Variants in EIF4G1 observed in about 807,000 individuals in gnomAD.
The protein encoded by EIF4G1 is eukaryotic translation initiation factor 4 gamma 1, also known as EIF4-gamma.
In EIF4G1, 4 loss-of-function variants were observed where a neutral mutation model predicts 187.8. That is an observed-to-expected ratio of 0.02 (90% CI 0.01 to 0.05). The LOEUF (loss-of-function observed/expected upper bound fraction) is 0.05. Ranked by LOEUF, EIF4G1 falls within the 10% of genes least tolerant of loss-of-function variation. The pLI is 1.00. For synonymous variants in EIF4G1, 844 were observed against 781.4 expected (o/e 1.08, Z -1.34); for missense variants, 1,647 against 2,081.1 (o/e 0.79, Z 4.06).
chr3:184,324,864 C>G lies in EIF4G1; in HGVS notation c.2620-14C>G, dbSNP rs1487638410. ...GTTATCTTTTTGACACAATCCCTGT[C>G]CTGTGAATGGCAGGCAGAGGAACGA... On this transcript the variant is annotated splice_polypyrimidine_tract_variant and intron_variant, in intron 17 of 32. Transcript: ENST00000346169. The G allele has an allele frequency of 5.6e-6, 9 of 1,612,432 alleles. No individual in the cohort carries two copies. Among genetic ancestry groups the G allele is most frequent in the Non-Finnish European group, 7.6e-6 (9 of 1,179,698 alleles).
At chr3:184,329,083 G>A in intron 28 of EIF4G1, 93 bp downstream of exon 28, 2 of 1,439,836 alleles carry the variant, frequency 1.4e-6, no homozygotes, top group Non-Finnish European at 1.9e-6. Flanking sequence ...TTGGTGGAGT[G>A]GAGTGATGGT....
Position 184,324,856 on chromosome 3 carries a change from A to G in EIF4G1, c.2620-22A>G, listed in dbSNP as rs138301327. The G allele has an allele frequency of 1.6e-4, 255 of 1,611,190 alleles. 1 individual carries two copies. The East Asian group carries it at 3.0e-3, about 19-fold the overall frequency. ...AGTGGCTGGTTATCTTTTTGACACA[A>G]TCCCTGTCCTGTGAATGGCAGGCAG... On this transcript the variant is annotated intron_variant, in intron 17 of 32. Transcript: ENST00000346169.
rs900116812 is a variant in EIF4G1, at chr3:184,319,943, C to G, written c.537+142C>G. ...CAGAGAATGGTGTCTGTGGAGGGCT[C>G]AGGTTCTTTGTAAGATGCTAAGATT... On this transcript the variant is annotated intron_variant, in intron 7 of 32. Coordinates refer to ENST00000346169, the MANE Select transcript of EIF4G1 (RefSeq NM_198241.3). The G allele has an allele frequency of 5.7e-6, 4 of 705,534 alleles. No individual in the cohort carries two copies. In the African/African-American group the frequency reaches 7.1e-5, roughly 12 times the overall value. 43.7% of individuals were successfully genotyped at this position (705,534 alleles called of 1,614,324 possible).
intron 28 of EIF4G1, among the ~76,000 whole-genome samples, chr3:184,329,713 G>A (rs1725660273): frequency 6.6e-6 from 1 of 152,230 alleles, no homozygotes; most frequent in Non-Finnish European, 1.5e-5. Context: ...AGTATCTTAA[G>A]TACTGTGGGG....
In EIF4G1 at chr3:184,321,978, AAGGAGAAGC is replaced by A. The variant is rs111659103; in HGVS notation, c.1413_1421del (p.Gly472_Ala474del). 36,053 of 1,614,102 alleles carry A rather than the reference AAGGAGAAGC, an allele frequency of 0.022. 479 individuals carry two copies. Among genetic ancestry groups the A allele is most frequent in the Non-Finnish European group, 0.026 (31,240 of 1,179,992 alleles). ...ATGGAAGAAGAAGAAGAAGAGGAAGAAGGAGAAGCAGGAGAAGCAGGAGAAGCTGAGAGT... is the reference window on the plus strand; with the variant it reads ...ATGGAAGAAGAAGAAGAAGAGGAAGAAGGAGAAGCAGGAGAAGCTGAGAGT... On this transcript the variant is annotated inframe_deletion, in exon 10 of 33. Transcript: ENST00000346169.
In EIF4G1 at chr3:184,326,885, A is replaced by G; in HGVS notation, c.3330A>G (p.Ser1110=). 1 of 1,614,248 alleles carries G rather than the reference A, an allele frequency of 6.2e-7. No homozygotes were observed. The highest frequency in any genetic ancestry group is 1.1e-5 in the South Asian group (1 of 91,086). The change falls in exon 23 of 33, where the codon TCA becomes TCG. Residue 1110 remains serine (S), a synonymous_variant. Transcript: ENST00000346169. ...GSGAKPSDAA[S]EAARPATSTL... ...ACGGATTTTCTGCATCCCCAGCATC[A>G]GAAGCTGCTCGCCCAGCTACTAGTA...
intron 28 of EIF4G1, among the ~76,000 whole-genome samples, chr3:184,330,001 T>C (rs1448523331): frequency 6.6e-6 from 1 of 152,218 alleles, no homozygotes; most frequent in Non-Finnish European, 1.5e-5. Flanking sequence ...GGACAAGTTG[T>C]TTTTTAACAA....
intron 7 of EIF4G1, 41 bp from the exon 8 acceptor site, chr3:184,320,589 T>C: frequency 3.7e-6 from 6 of 1,613,844 alleles, no homozygotes; most frequent in Non-Finnish European, 5.1e-6. Flanking sequence ...AGAGGTGGGC[T>C]CTTCCTGCTT....
chr3:184,320,881 T>G, intron 8 of EIF4G1, 46 bp from the exon 9 acceptor site: 1 of 1,612,972 alleles, frequency 6.2e-7, no homozygotes, highest in East Asian at 2.2e-5. Context: ...AAAGAAGGGT[T>G]GTGGGACTCT....
In EIF4G1 at chr3:184,325,491, G is replaced by C. The variant is rs760537676; in HGVS notation, c.2973G>C (p.Val991=). 9.9e-6 allele frequency: 16 copies of C among 1,614,036 alleles called. No individual in the cohort carries two copies. The highest frequency in any genetic ancestry group is 1.4e-5 in the Non-Finnish European group (16 of 1,180,046). Residue 991 remains valine (V), a synonymous_variant, in exon 20 of 33, where the codon GTG becomes GTC. Coordinates refer to ENST00000346169, the MANE Select transcript of EIF4G1 (RefSeq NM_198241.3). This position sits in a 1 kb window ranked among gnomAD's most constrained non-coding sequence, Gnocchi z 5.2. Reference sequence around the variant, plus strand: ...CTCTGTCTCCACAGAGCAATTGGGTGCCACGCCGAGGGGATCAGGGTCCCA... The same window carrying C: ...CTCTGTCTCCACAGAGCAATTGGGTCCCACGCCGAGGGGATCAGGGTCCCA... ...DVLDLRGSNW[V]PRRGDQGPKT...
In EIF4G1 at chr3:184,322,814, C is replaced by G. The variant is rs770835278; in HGVS notation, c.1796-7C>G. 22 of 1,614,170 alleles carry G rather than the reference C, an allele frequency of 1.4e-5. No individual in the cohort carries two copies. In the South Asian group the frequency reaches 2.4e-4, roughly 18 times the overall value. On this transcript the variant is annotated splice_polypyrimidine_tract_variant and splice_region_variant and intron_variant, in intron 12 of 32. Coordinates refer to ENST00000346169, the MANE Select transcript of EIF4G1 (RefSeq NM_198241.3). ...AGTATGATTGCTTCATTCTGTTTTC[C>G]TTGCAGATCAGTGGAAGCCTCTAAA...
At chr3:184,321,232 G>A (rs573781627) in intron 9 of EIF4G1, 50 bp from the exon 10 acceptor site, 26 of 1,608,750 alleles carry the variant, frequency 1.6e-5, no homozygotes, top group Non-Finnish European at 2.2e-5. Context: ...AGGAACAACA[G>A]CAGTTAAGCA....
chr3:184,316,175 C>A lies in EIF4G1; in HGVS notation c.104C>A (p.Thr35Lys), dbSNP rs1191508759. 2.5e-6 allele frequency: 4 copies of A among 1,613,998 alleles called. No homozygotes were observed. The highest frequency in any genetic ancestry group is 3.4e-6 in the Non-Finnish European group (4 of 1,180,024). ...CAGACAGCGCCGGTGGTGTTCAGTA[C>A]GCCACAAGCGACACAAATGAACACG... ...PGQTAPVVFS[T>K]PQATQMNTPS... The change falls in exon 4 of 33, where the codon ACG becomes AAG. Residue 35 changes from threonine (T) to lysine (K), a missense_variant. By Grantham distance (78) the Thr-to-Lys change is moderately conservative (BLOSUM62 -1). Coordinates refer to ENST00000346169, the MANE Select transcript of EIF4G1 (RefSeq NM_198241.3).
chr3:184,322,712 A>C lies in EIF4G1; in HGVS notation c.1777A>C (p.Lys593Gln). Reference sequence around the variant, plus strand: ...TGAGAACATCCAGCCCGGGGAACAGAAGTATGAATATAAGTCAGGTATGCT... The same window carrying C: ...TGAGAACATCCAGCCCGGGGAACAGCAGTATGAATATAAGTCAGGTATGCT... ...NAENIQPGEQKYEYKSDQWKP... is the reference protein window; with the variant it reads ...NAENIQPGEQQYEYKSDQWKP... The change falls in exon 12 of 33, where the codon AAG (lysine) becomes CAG (glutamine). Residue 593 changes from lysine to glutamine, a missense_variant. Physicochemically the swap from Lys to Gln is moderately conservative, Grantham distance 53 (BLOSUM62 1). Transcript: ENST00000346169. 1 of 1,614,202 alleles carries C rather than the reference A, an allele frequency of 6.2e-7. No individual in the cohort carries two copies. Among genetic ancestry groups the C allele is most frequent in the Non-Finnish European group, 8.5e-7 (1 of 1,180,042 alleles).
intron 5 of EIF4G1, 44 bp downstream of exon 5, chr3:184,317,541 C>T (rs758136212): frequency 3.1e-6 from 5 of 1,610,140 alleles, no homozygotes; most frequent in Admixed American, 3.3e-5. Flanking sequence ...GACCCCTATA[C>T]CTCTCACTTA....
chr3:184,328,902 C>T lies in EIF4G1; in HGVS notation c.4080-7C>T, dbSNP rs1471401941. ...GCTGTCAGCATTAGGTTTTTCTCTT[C>T]TTGTAGGGAGATTACAAAGCCTCTG... On this transcript the variant is annotated splice_polypyrimidine_tract_variant and splice_region_variant and intron_variant, in intron 27 of 32. Coordinates refer to ENST00000346169, the MANE Select transcript of EIF4G1 (RefSeq NM_198241.3). 3.1e-6 allele frequency: 5 copies of T among 1,614,030 alleles called. No homozygotes were observed. Among genetic ancestry groups the T allele is most frequent in the Non-Finnish European group, 4.2e-6 (5 of 1,180,032 alleles).
chr3:184,323,414 C>T lies in EIF4G1; in HGVS notation c.2095C>T (p.Leu699=), dbSNP rs1724264031. The T allele has an allele frequency of 1.2e-6, 2 of 1,614,116 alleles. No individual in the cohort carries two copies. Among genetic ancestry groups the T allele is most frequent in the African/African-American group, 1.3e-5 (1 of 74,938 alleles). Residue 699 remains leucine, a synonymous_variant, in exon 15 of 33, where the codon CTG becomes TTG. Transcript: ENST00000346169. The surrounding 1 kb of genome is among the most constrained non-coding windows in gnomAD (Gnocchi z 6.9). ...TTCATCCCTTGCTTAGCAGGCTGGC[C>T]TGGGACCCCGGCGCTCTCAGCAGGG... ...GGELPRGPAG[L]GPRRSQQGPR...
chr3:184,326,723 G>T, intron 22 of EIF4G1, 94 bp downstream of exon 22: 1 of 1,512,526 alleles, frequency 6.6e-7, no homozygotes, highest in South Asian at 1.1e-5. Context: ...GTACAAGGTG[G>T]TTAGGCAATG....
Position 184,327,893 on chromosome 3 carries a change from G to A in EIF4G1, c.3844G>A (p.Gly1282Ser). The change falls in exon 26 of 33, where the codon GGT becomes AGT. Residue 1282 changes from glycine (G) to serine (S), a missense_variant. Physicochemically the swap from Gly to Ser is moderately conservative, Grantham distance 56 (BLOSUM62 0). Around this residue, in one of 11 missense-constraint regions of EIF4G1, gnomAD observed 543 missense variants for 638.0 expected, o/e 0.85. Transcript: ENST00000346169. ...PSLLFIFVRH[G>S]VESTLERSAI... ...CTTGCTCTTCATCTTTGTACGGCATGGTGTCGAGTCTACGCTGGAGCGCAG... is the reference window on the plus strand; with the variant it reads ...CTTGCTCTTCATCTTTGTACGGCATAGTGTCGAGTCTACGCTGGAGCGCAG... The A allele has an allele frequency of 6.2e-7, 1 of 1,613,798 alleles. No individual in the cohort carries two copies. Among genetic ancestry groups the A allele is most frequent in the Non-Finnish European group, 8.5e-7 (1 of 1,180,036 alleles).
Sources: gnomAD v4.1 joint callset for allele counts (sites outside exome capture counted in the v4.1 genomes callset) on GRCh38, gnomAD v4.1.1 for gene constraint, gnomAD v4.1.1 regional missense constraint, Gnocchi (gnomAD v3.1) non-coding constraint, MANE v1.5 for transcripts, NCBI Gene and HGNC (gene_info 2026-07-23, HGNC 2026-07-21) for gene names.